The following LRP1B variants were observed in gnomAD, a reference collection of about 807,000 sequenced individuals.
The protein encoded by LRP1B is LDL receptor related protein 1B.
Under a neutral mutation model 556.6 loss-of-function variants are expected in LRP1B, and 217 were observed. That is an observed-to-expected ratio of 0.39 (90% confidence interval 0.35 to 0.44). The LOEUF is 0.44. Among genes scored for constraint, LRP1B ranks in the 20% least tolerant of loss-of-function variants. The pLI is 1.00. For synonymous variants in LRP1B, 2,047 were observed against 1,865.8 expected (o/e 1.10, Z -2.50); for missense variants, 5,053 against 5,620.8 (o/e 0.90, Z 3.23).
rs958830507 is a variant in LRP1B, at chr2:140,913,980, A to G, written c.3320-5903T>C. 9.9e-5 allele frequency among the ~76,000 whole-genome samples: 15 copies of G among 152,276 alleles called. No homozygotes were observed. The South Asian group carries it at 1.2e-3, about 13-fold the overall frequency. On this transcript the variant is annotated intron_variant, in intron 21 of 90. Transcript: ENST00000389484. Reference sequence around the variant, plus strand: ...AGCAGGAAAGAATGGGACCTGTTCAAAAAGCAATAATGAAGCAGTTTGGGG... The same window carrying G: ...AGCAGGAAAGAATGGGACCTGTTCAGAAAGCAATAATGAAGCAGTTTGGGG...
At chr2:141,797,147 A>T (rs1163495657) in intron 2 of LRP1B, among the ~76,000 whole-genome samples, 3 of 2,974 alleles carry the variant, frequency 1.0e-3, no homozygotes, top group Admixed American at 4.5e-3. Context: ...GAAAATAATC[A>T]TATATATATA....
At chr2:141,516,628 C>T (rs974699229) in intron 2 of LRP1B, among the ~76,000 whole-genome samples, 4 of 151,690 alleles carry the variant, frequency 2.6e-5, no homozygotes, top group African/African-American at 9.7e-5. Flanking sequence ...GTACCCCAGC[C>T]TGGGCAATGG....
chr2:140,807,043 ATAGTTT>A (rs1394134308), intron 32 of LRP1B, among the ~76,000 whole-genome samples: 2 of 152,228 alleles, frequency 1.3e-5, no homozygotes, highest in African/African-American at 4.8e-5. Flanking sequence ...ATTTTAGTCA[ATAGTTT>A]TAAAGTCCTG....
chr2:140,858,572 A>T (rs919696613), intron 27 of LRP1B, among the ~76,000 whole-genome samples: 14 of 151,514 alleles, frequency 9.2e-5, no homozygotes, highest in African/African-American at 3.4e-4. Flanking sequence ...ACAAGTAGTT[A>T]GATCTTTCTT....
chr2:140,827,633 A>G (rs1344732003), intron 31 of LRP1B, among the ~76,000 whole-genome samples: 6 of 152,210 alleles, frequency 3.9e-5, no homozygotes, highest in African/African-American at 1.4e-4. Context: ...GAATAACCTC[A>G]AAAGTGTAAA....
chr2:141,328,745 T>C (rs542690253), intron 3 of LRP1B, among the ~76,000 whole-genome samples: 1 of 152,194 alleles, frequency 6.6e-6, no homozygotes, highest in Non-Finnish European at 1.5e-5. Context: ...TGCCAGTCAT[T>C]TGTCAGTGGC....
intron 23 of LRP1B, 50 bp downstream of exon 23, chr2:140,902,870 T>C (rs930944996): frequency 1.3e-6 from 2 of 1,577,384 alleles, no homozygotes; most frequent in African/African-American, 2.7e-5. Context: ...GATTTGTTTC[T>C]TTCAAGATCT....
chr2:141,295,745 A>AC (rs1686155190), intron 3 of LRP1B, among the ~76,000 whole-genome samples: 2 of 133,196 alleles, frequency 1.5e-5, no homozygotes, highest in African/African-American at 2.9e-5. Context: ...ATGAGGAGAG[A>AC]AACACACACA....
chr2:141,203,585 G>C (rs1682138620), intron 6 of LRP1B, among the ~76,000 whole-genome samples: 1 of 152,136 alleles, frequency 6.6e-6, no homozygotes, highest in Admixed American at 6.5e-5. Context: ...CAATAATGGG[G>C]GGGGAGGACT....
At position 141,287,676 on chromosome 2, in the gene LRP1B, T is replaced by C. The variant is rs144403126; in HGVS notation, c.344-33035A>G. Among the ~76,000 whole-genome samples the C allele has an allele frequency of 4.8e-3, 730 of 152,334 alleles. 6 individuals are homozygous for C. Among genetic ancestry groups the C allele is most frequent in the African/African-American group, 0.017 (698 of 41,582 alleles). The stretch of plus-strand genomic sequence containing the variant: ...TATTGAAGTTGTCATTGATTTCTTA[T>C]CGTTATGCTTTAAAACTTTTCCATT... On this transcript the variant is annotated intron_variant, in intron 3 of 90. Coordinates refer to ENST00000389484, the MANE Select transcript of LRP1B (RefSeq NM_018557.3).
At position 140,679,456 on chromosome 2, in the gene LRP1B, T is replaced by C. The variant is rs566224187; in HGVS notation, c.6799+20794A>G. ...CATCTTTATCATTCTGAAATTTCAA[T>C]GAACTAATGTACATTAATGAACTAA... On this transcript the variant is annotated intron_variant, in intron 41 of 90. Coordinates refer to ENST00000389484, the MANE Select transcript of LRP1B (RefSeq NM_018557.3). Among the ~76,000 whole-genome samples the C allele has an allele frequency of 4.6e-5, 7 of 152,362 alleles. No homozygotes were observed. In the East Asian group the frequency reaches 1.3e-3, roughly 29 times the overall value.
chr2:141,494,857 G>C (rs946814343), intron 2 of LRP1B, among the ~76,000 whole-genome samples: 2 of 148,322 alleles, frequency 1.3e-5, no homozygotes, highest in African/African-American at 5.0e-5. Context: ...CACACACAGA[G>C]TTGTAGCATT....
chr2:141,256,651 G>T (rs998210092), intron 3 of LRP1B, among the ~76,000 whole-genome samples: 1 of 152,094 alleles, frequency 6.6e-6, no homozygotes, highest in Non-Finnish European at 1.5e-5. Context: ...CTTGGTGAAA[G>T]CATAATGACA....
chr2:141,765,705 C>G (rs867857862), intron 2 of LRP1B, among the ~76,000 whole-genome samples: 4 of 152,278 alleles, frequency 2.6e-5, no homozygotes, highest in Admixed American at 1.3e-4. Context: ...TCAGCACCAT[C>G]CAAGCTGTTC....
At chr2:140,915,478 A>G (rs552266785) in intron 21 of LRP1B, among the ~76,000 whole-genome samples, 6 of 106,050 alleles carry the variant, frequency 5.7e-5, no homozygotes, top group South Asian at 8.3e-4. Flanking sequence ...GTGAAAACGC[A>G]TCTCTACTAA....
At chr2:140,945,395 AG>A (rs1695512035) in intron 20 of LRP1B, among the ~76,000 whole-genome samples, 1 of 152,030 alleles carries the variant, frequency 6.6e-6, no homozygotes, top group Non-Finnish European at 1.5e-5. Context: ...AATTCCAAAT[AG>A]CCAAAGCAAC....
chr2:141,450,155 G>A (rs767676826), intron 3 of LRP1B, among the ~76,000 whole-genome samples: 1 of 152,120 alleles, frequency 6.6e-6, no homozygotes, highest in Non-Finnish European at 1.5e-5. Flanking sequence ...GAAAGAGATA[G>A]GGAGATAGAA....
At chr2:141,461,155 A>G (rs1034488197) in intron 3 of LRP1B, among the ~76,000 whole-genome samples, 2 of 152,166 alleles carry the variant, frequency 1.3e-5, no homozygotes, top group Admixed American at 6.6e-5. Context: ...GAGCCTGCAT[A>G]AGGGGAAATG....
chr2:141,151,833 C>T (rs1701933848), intron 7 of LRP1B, among the ~76,000 whole-genome samples: 1 of 152,116 alleles, frequency 6.6e-6, no homozygotes, highest in African/African-American at 2.4e-5. Context: ...AGATAGTGTT[C>T]TTGCTCAAAC....
Sources: allele counts gnomAD v4.1 joint callset (sites outside exome capture counted in the v4.1 genomes callset), GRCh38; gene constraint gnomAD v4.1.1; transcripts MANE v1.5; gene names NCBI Gene and HGNC (gene_info 2026-07-23, HGNC 2026-07-21).